FSTL4: variants seen among roughly 807,000 people sequenced by gnomAD.
FSTL4 encodes the protein follistatin like 4, also known as follistatin-related protein 4.
FSTL4 carries 28 observed loss-of-function variants against 78.2 expected under a neutral mutation model. The ratio of observed to expected loss-of-function variants is 0.36; its 90% CI spans 0.27 to 0.49. The LOEUF (loss-of-function observed/expected upper bound fraction) is 0.49. FSTL4 is among the 20% of genes least tolerant of loss of function. FSTL4 has a pLI of 0.98. For missense variants in FSTL4, 922 were observed against 1,084.9 expected (o/e 0.85, Z 2.11); for synonymous variants, 422 against 440.5 (o/e 0.96, Z 0.53).
chr5:133,519,544 C>T (rs558725982), intron 3 of FSTL4, among the ~76,000 whole-genome samples: 4 of 152,184 alleles, frequency 2.6e-5, no homozygotes, highest in South Asian at 2.1e-4. Context: ...AAAGGAAAGC[C>T]GGGATGGCCA....
intron 6 of FSTL4, among the ~76,000 whole-genome samples, chr5:133,306,952 T>G (rs1753671980): frequency 6.6e-6 from 1 of 152,244 alleles, no homozygotes; most frequent in African/African-American, 2.4e-5. Context: ...ACCTGGTTAA[T>G]GTTTGCCTAA....
chr5:133,556,447 G>A (rs923679567), intron 3 of FSTL4, among the ~76,000 whole-genome samples: 11 of 152,192 alleles, frequency 7.2e-5, no homozygotes, highest in African/African-American at 2.2e-4. Context: ...GGCTCCTGGC[G>A]GGGTGCGGTG....
chr5:133,347,142 C>T (rs1355575046), intron 4 of FSTL4, among the ~76,000 whole-genome samples: 1 of 152,106 alleles, frequency 6.6e-6, no homozygotes, highest in African/African-American at 2.4e-5. Flanking sequence ...CCCCGTTTGT[C>T]TGCTGCATTG....
rs574146840 is a variant in FSTL4, at chr5:133,346,232, C to T, written c.410-29580G>A. Reference sequence around the variant, plus strand: ...AGAGGGAGGGGAATATCACACACTGCGGCCTGTCAGGGGGTTGGGGGCAAG... The same window carrying T: ...AGAGGGAGGGGAATATCACACACTGTGGCCTGTCAGGGGGTTGGGGGCAAG... On this transcript the variant is annotated intron_variant, in intron 4 of 15. Coordinates refer to ENST00000265342, the MANE Select transcript of FSTL4 (RefSeq NM_015082.2). Among the ~76,000 whole-genome samples the T allele has an allele frequency of 1.4e-3, 211 of 151,882 alleles. 1 individual carries two copies. Among genetic ancestry groups the T allele is most frequent in the African/African-American group, 4.4e-3 (182 of 41,398 alleles).
the FSTL4 span, among the ~76,000 whole-genome samples, chr5:133,789,253 A>G: frequency 6.6e-6 from 1 of 152,174 alleles, no homozygotes; most frequent in Non-Finnish European, 1.5e-5. Context: ...AGGGAACCTC[A>G]CCCACATGTT....
chr5:133,452,243 T>G (rs1757398265), intron 3 of FSTL4, among the ~76,000 whole-genome samples: 1 of 152,244 alleles, frequency 6.6e-6, no homozygotes, highest in Admixed American at 6.5e-5. Context: ...CCTTTCTGAT[T>G]ACCTGGGGAG....
At chr5:133,301,226 C>T (rs1056495206) in intron 6 of FSTL4, among the ~76,000 whole-genome samples, 1 of 152,292 alleles carries the variant, frequency 6.6e-6, no homozygotes, top group Non-Finnish European at 1.5e-5. Flanking sequence ...AGCAGAAGTG[C>T]AGCCAGCATC....
At chr5:133,329,149 C>G (rs1178154907) in intron 4 of FSTL4, among the ~76,000 whole-genome samples, 1 of 152,212 alleles carries the variant, frequency 6.6e-6, no homozygotes, top group Non-Finnish European at 1.5e-5. Flanking sequence ...CACATGGACT[C>G]ATCGCACATG....
the FSTL4 span, among the ~76,000 whole-genome samples, chr5:133,714,785 G>C: frequency 6.6e-6 from 1 of 152,212 alleles, no homozygotes; most frequent in Admixed American, 6.5e-5. Flanking sequence ...TGTTACCCCA[G>C]CGTCATTTCA....
chr5:133,316,192 A>G (rs1389909372), intron 5 of FSTL4, among the ~76,000 whole-genome samples: 2 of 152,118 alleles, frequency 1.3e-5, no homozygotes, highest in Admixed American at 6.5e-5. Context: ...AACTAATCCT[A>G]CTCAAGGAAG....
At chr5:133,494,321 T>C (rs929801639) in intron 3 of FSTL4, among the ~76,000 whole-genome samples, 1 of 152,180 alleles carries the variant, frequency 6.6e-6, no homozygotes, top group Non-Finnish European at 1.5e-5. Context: ...TAACACTATG[T>C]TATCCTGCCT....
intron 6 of FSTL4, among the ~76,000 whole-genome samples, chr5:133,278,978 C>T (rs1039164876): frequency 1.3e-5 from 2 of 152,230 alleles, no homozygotes; most frequent in Non-Finnish European, 2.9e-5. Flanking sequence ...GTTTTGCCCG[C>T]CCTGCACTGG....
chr5:133,296,013 T>C (rs1753387981), intron 6 of FSTL4, among the ~76,000 whole-genome samples: 1 of 152,208 alleles, frequency 6.6e-6, no homozygotes, highest in South Asian at 2.1e-4. Context: ...CAACTGCCTG[T>C]TCAACACTGC....
At chr5:133,635,554 A>G in the FSTL4 span, among the ~76,000 whole-genome samples, 42,972 of 152,074 alleles carry the variant, frequency 0.28, 6,376 homozygotes, top group Non-Finnish European at 0.32. Flanking sequence ...ACCTGAGGTC[A>G]GGAGTTCGAG....
At chr5:133,631,099 A>C in the FSTL4 span, among the ~76,000 whole-genome samples, 1 of 152,242 alleles carries the variant, frequency 6.6e-6, no homozygotes, top group African/African-American at 2.4e-5. Flanking sequence ...CAAAGACTTC[A>C]TGACTAAAAC....
chr5:133,272,842 G>A (rs1752796736), intron 6 of FSTL4, among the ~76,000 whole-genome samples: 1 of 152,256 alleles, frequency 6.6e-6, no homozygotes, highest in African/African-American at 2.4e-5. Flanking sequence ...AAACTCAGAA[G>A]AGAAGATGAA....
chr5:133,551,551 A>G (rs775382979), intron 3 of FSTL4, among the ~76,000 whole-genome samples: 10 of 152,224 alleles, frequency 6.6e-5, no homozygotes, highest in Non-Finnish European at 1.3e-4. Flanking sequence ...ATTAAAAGTT[A>G]GCCATGCTCA....
At chr5:133,557,239 C>G (rs2112933996) in intron 3 of FSTL4, among the ~76,000 whole-genome samples, 1 of 152,308 alleles carries the variant, frequency 6.6e-6, no homozygotes, top group East Asian at 1.9e-4. Flanking sequence ...ATCTCTTAGC[C>G]TTGGATTCCT....
At chr5:133,276,385 CCCTGGCCTCCCT>C (rs1344422256) in intron 6 of FSTL4, among the ~76,000 whole-genome samples, 2 of 152,216 alleles carry the variant, frequency 1.3e-5, no homozygotes, top group East Asian at 3.8e-4. Flanking sequence ...GTCTGTCCCG[CCCTGGCCTCCCT>C]CCTGGCTGCT....
Sources: allele counts gnomAD v4.1 joint callset (sites outside exome capture counted in the v4.1 genomes callset), GRCh38; gene constraint gnomAD v4.1.1; transcripts MANE v1.5; gene names NCBI Gene and HGNC (gene_info 2026-07-23, HGNC 2026-07-21).